The following LARGE1 variants were observed in gnomAD, a reference collection of about 807,000 sequenced individuals.
The protein encoded by LARGE1 is LARGE xylosyl- and glucuronyltransferase 1.
LARGE1 carries 43 observed loss-of-function variants against 87.6 expected under a neutral mutation model. That is an observed-to-expected ratio of 0.49 (90% CI 0.38 to 0.63). The LOEUF (loss-of-function observed/expected upper bound fraction) is 0.63, where lower values mean the gene tolerates loss of function less well. Ranked by LOEUF, LARGE1 falls within the 30% of genes least tolerant of loss-of-function variation. LARGE1 has a pLI of 0.00. For missense variants in LARGE1, 802 were observed against 1,000.2 expected, an observed-to-expected ratio of 0.80 and a Z score of 2.67; for synonymous variants, 434 against 394.6, an observed-to-expected ratio of 1.10 and a Z score of -1.18.
At chr22:33,331,410 C>CTT (rs35310608) in intron 10 of LARGE1, among the ~76,000 whole-genome samples, 2 of 135,470 alleles carry the variant, frequency 1.5e-5, no homozygotes, top group African/African-American at 2.8e-5. Flanking sequence ...CTCTTCTTAT[C>CTT]TTTTTTTTTT....
intron 1 of LARGE1, among the ~76,000 whole-genome samples, chr22:33,829,994 A>G (rs2062918937): frequency 6.6e-6 from 1 of 152,184 alleles, no homozygotes; most frequent in Non-Finnish European, 1.5e-5. Flanking sequence ...ATGAGATGGA[A>G]GCAAAAGTGC....
intron 1 of LARGE1, among the ~76,000 whole-genome samples, chr22:33,834,479 T>TCACTGG (rs1411443980): frequency 2.6e-5 from 4 of 152,146 alleles, no homozygotes; most frequent in African/African-American, 9.7e-5. Context: ...GTGAGCACCT[T>TCACTGG]GTGTCCCCCA....
chr22:33,413,987 T>C (rs984840348), intron 7 of LARGE1, among the ~76,000 whole-genome samples: 21 of 152,210 alleles, frequency 1.4e-4, no homozygotes, highest in Admixed American at 6.5e-4. Flanking sequence ...TTGTGAATAA[T>C]GTTGGAATAA....
At chr22:33,509,795 C>T (rs2070966538) in intron 6 of LARGE1, among the ~76,000 whole-genome samples, 1 of 152,042 alleles carries the variant, frequency 6.6e-6, no homozygotes, top group Non-Finnish European at 1.5e-5. Context: ...TGTGTTTTGC[C>T]CAAACCTAAC....
intron 2 of LARGE1, among the ~76,000 whole-genome samples, chr22:33,724,521 C>T (rs887122716): frequency 4.6e-5 from 7 of 152,148 alleles, no homozygotes; most frequent in Non-Finnish European, 1.0e-4. Context: ...AGGCTCATTA[C>T]CCAGGAGAGA....
chr22:33,366,256 C>T (rs576616134), intron 9 of LARGE1, among the ~76,000 whole-genome samples: 1 of 152,256 alleles, frequency 6.6e-6, no homozygotes, highest in South Asian at 2.1e-4. Context: ...CTTCATATAC[C>T]AAAATGCTTT....
chr22:33,844,632 C>T (rs1001036865), intron 1 of LARGE1, among the ~76,000 whole-genome samples: 10 of 151,978 alleles, frequency 6.6e-5, no homozygotes, highest in African/African-American at 2.4e-4. Context: ...TGGGGATTGG[C>T]GACTTGCCTA....
chr22:33,702,326 C>T (rs1283785275), intron 2 of LARGE1, among the ~76,000 whole-genome samples: 1 of 152,178 alleles, frequency 6.6e-6, no homozygotes, highest in African/African-American at 2.4e-5. Context: ...CCACACCTAC[C>T]ATTCTCCAAG....
chr22:33,553,128 TTGTATTG>T (rs973722261), intron 6 of LARGE1, among the ~76,000 whole-genome samples: 1 of 152,164 alleles, frequency 6.6e-6, no homozygotes, highest in Non-Finnish European at 1.5e-5. Context: ...CTCCAAGGCC[TTGTATTG>T]TCTCCTCTGA....
chr22:33,360,290 G>T (rs1406236015), intron 9 of LARGE1, among the ~76,000 whole-genome samples: 1 of 149,274 alleles, frequency 6.7e-6, no homozygotes, highest in East Asian at 1.9e-4. Flanking sequence ...TCCAGCCTGG[G>T]CAACAGAGCA....
At chr22:33,629,728 T>C (rs2080042874) in intron 3 of LARGE1, among the ~76,000 whole-genome samples, 3 of 152,216 alleles carry the variant, frequency 2.0e-5, no homozygotes, top group African/African-American at 4.8e-5. Context: ...AAGTTCAGTT[T>C]TTAAGTTTCT....
chr22:33,340,887 T>C (rs1213244897), intron 9 of LARGE1, among the ~76,000 whole-genome samples: 2 of 151,880 alleles, frequency 1.3e-5, no homozygotes, highest in Non-Finnish European at 2.9e-5. Context: ...GCCCACATTC[T>C]TTCCTATACA....
chr22:33,397,120 T>C (rs2065773872), intron 7 of LARGE1, among the ~76,000 whole-genome samples: 2 of 152,202 alleles, frequency 1.3e-5, no homozygotes, highest in East Asian at 1.9e-4. Flanking sequence ...GCCTTTTTTC[T>C]TTCTTTTTTT....
At chr22:33,225,180 T>C (rs1925670641) in intron 11 of LARGE1, among the ~76,000 whole-genome samples, 1 of 151,998 alleles carries the variant, frequency 6.6e-6, no homozygotes, top group Admixed American at 6.6e-5. Context: ...GCTACAGCCG[T>C]GGGCATGATA....
intron 10 of LARGE1, among the ~76,000 whole-genome samples, chr22:33,325,707 C>A (rs891338769): frequency 5.3e-5 from 8 of 152,232 alleles, no homozygotes; most frequent in Admixed American, 4.6e-4. Flanking sequence ...TTTCTTCCTT[C>A]CTGTGACACC....
At chr22:33,790,382 A>C (rs1188862992) in intron 1 of LARGE1, among the ~76,000 whole-genome samples, 6 of 152,186 alleles carry the variant, frequency 3.9e-5, no homozygotes, top group Admixed American at 3.9e-4. Context: ...CTGGCATAGC[A>C]ACTGACACCC....
At position 33,358,129 on chromosome 22, in the gene LARGE1, T is replaced by C. The variant is rs534742239; in HGVS notation, c.1132-20328A>G. 3.9e-5 allele frequency among the ~76,000 whole-genome samples: 6 copies of C among 152,262 alleles called. No homozygotes were observed. The South Asian group carries it at 6.2e-4, about 16-fold the overall frequency. On this transcript the variant is annotated intron_variant, in intron 9 of 14. Coordinates refer to ENST00000397394, the MANE Select transcript of LARGE1 (RefSeq NM_133642.5). ...CTGCCTCATATTTAATCCTGAGGACTCCTTGAGTTTACTGGTCACAGCAGT... is the reference window on the plus strand; with the variant it reads ...CTGCCTCATATTTAATCCTGAGGACCCCTTGAGTTTACTGGTCACAGCAGT...
Position 33,448,177 on chromosome 22 carries a change from G to A in LARGE1, c.788-15912C>T, listed in dbSNP as rs553809516. ...GACATCTTGAAACTAGAGACATCAAGTGGTTGCACAACGTTGTGAAAACAC... is the reference window on the plus strand; with the variant it reads ...GACATCTTGAAACTAGAGACATCAAATGGTTGCACAACGTTGTGAAAACAC... On this transcript the variant is annotated intron_variant, in intron 6 of 14. Transcript: ENST00000397394. Among the ~76,000 whole-genome samples, 62 of 152,244 alleles carry A rather than the reference G, an allele frequency of 4.1e-4. 2 individuals are homozygous for A. The Middle Eastern group carries it at 0.01, about 25-fold the overall frequency.
At chr22:33,818,404 T>C (rs1355444273) in intron 1 of LARGE1, among the ~76,000 whole-genome samples, 2 of 151,980 alleles carry the variant, frequency 1.3e-5, no homozygotes, top group Non-Finnish European at 2.9e-5. Flanking sequence ...TCAATGAATA[T>C]TTTCTGAATA....
Sources: gnomAD v4.1 joint callset for allele counts (sites outside exome capture counted in the v4.1 genomes callset) on GRCh38, gnomAD v4.1.1 for gene constraint, MANE v1.5 for transcripts, NCBI Gene and HGNC (gene_info 2026-07-23, HGNC 2026-07-21) for gene names.